DIAPH2: variants seen among roughly 807,000 people sequenced by gnomAD.
DIAPH2 encodes the protein diaphanous related formin 2, also known as protein diaphanous homolog 2.
DIAPH2 carries 35 observed loss-of-function variants against 92.7 expected under a neutral mutation model. The ratio of observed to expected loss-of-function variants is 0.38; its 90% CI spans 0.29 to 0.50. The LOEUF (loss-of-function observed/expected upper bound fraction) is 0.50, where lower values mean the gene tolerates loss of function less well. Among genes scored for constraint, DIAPH2 ranks in the 20% least tolerant of loss-of-function variants. The pLI, the probability that DIAPH2 is intolerant of heterozygous loss-of-function variation, is 0.94. For synonymous variants in DIAPH2, 301 were observed against 280.4 expected (o/e 1.07, Z -0.73); for missense variants, 701 against 819.5 (o/e 0.86, Z 1.77).
intron 4 of DIAPH2, among the ~76,000 whole-genome samples, chrX:96,787,689 T>C (rs1163653270): frequency 2.6e-5 from 2 of 77,723 alleles, no homozygotes; most frequent in East Asian, 4.0e-4. Context: ...CTTTTCTCTT[T>C]TTTTTTTTTT....
At chrX:97,318,427 A>G (rs2068858786) in intron 23 of DIAPH2, among the ~76,000 whole-genome samples, 1 of 103,657 alleles carries the variant, frequency 9.6e-6, no homozygotes, top group Non-Finnish European at 2.0e-5. Flanking sequence ...GTGAGCCACA[A>G]CGCCCTGCCG....
chrX:96,769,400 A>G (rs2064323993), intron 4 of DIAPH2, among the ~76,000 whole-genome samples: 1 of 112,216 alleles, frequency 8.9e-6, no homozygotes, highest in African/African-American at 3.2e-5. Flanking sequence ...CATTAGCAGT[A>G]TAATTTTATA....
chrX:96,858,827 A>G (rs2065055641), intron 4 of DIAPH2, among the ~76,000 whole-genome samples: 1 of 112,211 alleles, frequency 8.9e-6, no homozygotes, highest in African/African-American at 3.2e-5. Flanking sequence ...GGAGGAACAT[A>G]CTAAGAAACA....
intron 20 of DIAPH2, among the ~76,000 whole-genome samples, chrX:97,106,061 G>GC (rs1179193320): frequency 1.8e-5 from 2 of 111,391 alleles, no homozygotes; most frequent in Non-Finnish European, 3.8e-5. Context: ...ATTCTTAAAA[G>GC]CTTTTTTTTT....
chrX:96,819,348 T>C (rs746385297), intron 4 of DIAPH2, among the ~76,000 whole-genome samples: 6 of 112,871 alleles, frequency 5.3e-5, no homozygotes, highest in Non-Finnish European at 1.1e-4. Context: ...TTTAATCTCA[T>C]TCTATTCTGA....
chrX:97,144,300 G>A (rs1272493261), intron 22 of DIAPH2, among the ~76,000 whole-genome samples: 1 of 111,280 alleles, frequency 9.0e-6, no homozygotes, highest in East Asian at 2.8e-4. Flanking sequence ...CTCTAGCCTG[G>A]GCGACAGAGC....
chrX:97,404,013 C>T (rs1288325600), intron 25 of DIAPH2, among the ~76,000 whole-genome samples: 4 of 110,201 alleles, frequency 3.6e-5, no homozygotes, highest in Non-Finnish European at 7.6e-5. Flanking sequence ...ACCACCACGC[C>T]TAGCTAATTT....
chrX:97,597,455 G>A (rs1167643798), intron 26 of DIAPH2, among the ~76,000 whole-genome samples: 1 of 111,746 alleles, frequency 8.9e-6, no homozygotes, highest in African/African-American at 3.3e-5. Flanking sequence ...CTTGGACCCA[G>A]TGGGTAGTGA....
At chrX:97,410,627 G>T (rs1261520760) in intron 25 of DIAPH2, among the ~76,000 whole-genome samples, 1 of 111,835 alleles carries the variant, frequency 8.9e-6, no homozygotes. Flanking sequence ...GCTAAAGGAG[G>T]ATGTTCAAAC....
At chrX:97,076,799 T>C (rs1367840816) in intron 19 of DIAPH2, among the ~76,000 whole-genome samples, 1 of 111,613 alleles carries the variant, frequency 9.0e-6, no homozygotes, top group Non-Finnish European at 1.9e-5. Context: ...ATGTCATCTC[T>C]TCCTTGTTTT....
intron 23 of DIAPH2, among the ~76,000 whole-genome samples, chrX:97,279,310 C>CTT (rs1256593896): frequency 2.9e-4 from 27 of 94,305 alleles, no homozygotes; most frequent in African/African-American, 9.6e-4. Flanking sequence ...TTTTTTGAGA[C>CTT]TTTTTTTTTT....
At chrX:97,458,178 G>A in intron 26 of DIAPH2, among the ~76,000 whole-genome samples, 1 of 111,146 alleles carries the variant, frequency 9.0e-6, no homozygotes, top group East Asian at 2.8e-4. Context: ...GAATACCAAG[G>A]GGTTGGGATA....
intron 26 of DIAPH2, among the ~76,000 whole-genome samples, chrX:97,459,571 A>C (rs957863798): frequency 8.9e-6 from 1 of 112,328 alleles, no homozygotes; most frequent in African/African-American, 3.2e-5. Flanking sequence ...GGTGGTTACT[A>C]ATCTCATCAT....
chrX:97,330,240 G>C (rs911909201), intron 23 of DIAPH2, among the ~76,000 whole-genome samples: 11 of 108,887 alleles, frequency 1.0e-4, no homozygotes, highest in Non-Finnish European at 1.9e-4. Context: ...ACAGTACATT[G>C]TTAATAATAA....
At chrX:97,285,929 G>A (rs1161815460) in intron 23 of DIAPH2, among the ~76,000 whole-genome samples, 3 of 109,879 alleles carry the variant, frequency 2.7e-5, no homozygotes, top group Non-Finnish European at 5.7e-5. Context: ...ATTTTGTGGG[G>A]ATTACCTTGT....
chrX:96,937,005 A>T (rs764023650), intron 10 of DIAPH2, among the ~76,000 whole-genome samples: 1 of 111,826 alleles, frequency 8.9e-6, no homozygotes, highest in East Asian at 2.8e-4. Context: ...TTTTAATGTG[A>T]ATAATCAAAA....
intron 26 of DIAPH2, among the ~76,000 whole-genome samples, chrX:97,438,985 G>A (rs2070223818): frequency 8.9e-6 from 1 of 112,186 alleles, no homozygotes; most frequent in Non-Finnish European, 1.9e-5. Context: ...TGTGTGATAT[G>A]TAATTCATAG....
rs747501991 is a variant in DIAPH2 at position 96,795,411 on chromosome X, A to G, written c.447+37153A>G. 3.8e-4 allele frequency among the ~76,000 whole-genome samples: 42 copies of G among 111,796 alleles called. 1 individual carries two copies. The highest frequency in any genetic ancestry group is 6.4e-4 in the Non-Finnish European group (34 of 53,104). On this transcript the variant is annotated intron_variant, in intron 4 of 26. Coordinates refer to ENST00000324765, the MANE Select transcript of DIAPH2 (RefSeq NM_006729.5). ...ATGTTCCAGTTATGCTTGAAAAAAA[A>G]GGTATAGTCTATATTTGGTTAAAGC...
intron 25 of DIAPH2, among the ~76,000 whole-genome samples, chrX:97,390,955 A>C (rs2069653366): frequency 8.9e-6 from 1 of 111,998 alleles, no homozygotes; most frequent in Admixed American, 9.5e-5. Context: ...CTATTTACGT[A>C]TCAGTCAAAT....
Sources: allele counts gnomAD v4.1 joint callset (sites outside exome capture counted in the v4.1 genomes callset), GRCh38; gene constraint gnomAD v4.1.1; transcripts MANE v1.5; gene names NCBI Gene and HGNC (gene_info 2026-07-23, HGNC 2026-07-21).